CAPNS1: variants seen among roughly 807,000 people sequenced by gnomAD.
CAPNS1 encodes CANP small subunit.
Under a neutral mutation model 39.2 loss-of-function variants are expected in CAPNS1, and 32 were observed. The observed-to-expected ratio is 0.82, with a 90% CI of 0.62 to 1.10. The LOEUF is 1.10. Ranked by LOEUF, CAPNS1 falls within the 50% of genes least tolerant of loss-of-function variation. The pLI is 0.00. For synonymous variants in CAPNS1, 153 were observed against 136.2 expected (o/e 1.12, Z -0.86); for missense variants, 353 against 373.1 (o/e 0.95, Z 0.44).
At chr19:36,147,837 C>T (rs1974626828) in intron 9 of CAPNS1, among the ~76,000 whole-genome samples, 1 of 151,492 alleles carries the variant, frequency 6.6e-6, no homozygotes, top group South Asian at 2.1e-4. Context: ...CTCTGGGAGG[C>T]TGAGGTGGGC....
Position 36,146,320 on chromosome 19 carries a change from A to G in CAPNS1, c.721+8A>G. 5 of 1,581,956 alleles carry G rather than the reference A, an allele frequency of 3.2e-6. No homozygotes were observed. The highest frequency in any genetic ancestry group is 4.3e-6 in the Non-Finnish European group (5 of 1,150,962). On this transcript the variant is annotated splice_region_variant and intron_variant, in intron 9 of 10. Transcript: ENST00000246533. ...GGCTGGACGCCATGTTCCGTGAGTGACAACCCAGCTGTCTTCCTGGGTGGG... is the reference window on the plus strand; with the variant it reads ...GGCTGGACGCCATGTTCCGTGAGTGGCAACCCAGCTGTCTTCCTGGGTGGG...
chr19:36,146,243 T>C lies in CAPNS1; in HGVS notation c.652T>C (p.Ser218Pro). The C allele has an allele frequency of 6.2e-7, 1 of 1,614,086 alleles. No individual in the cohort carries two copies. Among genetic ancestry groups the C allele is most frequent in the Non-Finnish European group, 8.5e-7 (1 of 1,179,944 alleles). Reference sequence around the variant, plus strand: ...CTATAACATGATCATCCGACGCTACTCAGATGAAAGTGGGAACATGGATTT... The same window carrying C: ...CTATAACATGATCATCCGACGCTACCCAGATGAAAGTGGGAACATGGATTT... Reference protein sequence around the residue: ...HLYNMIIRRYSDESGNMDFDN... With the variant: ...HLYNMIIRRYPDESGNMDFDN... The change falls in exon 9 of 11, where the codon TCA becomes CCA. Residue 218 changes from serine (S) to proline (P), a missense_variant. Physicochemically the swap from Ser to Pro is moderately conservative, Grantham distance 74. Coordinates refer to ENST00000246533, the MANE Select transcript of CAPNS1 (RefSeq NM_001749.4).
intron 1 of CAPNS1, 126 bp from the exon 2 acceptor site, chr19:36,140,871 C>A: frequency 6.8e-7 from 1 of 1,468,086 alleles, no homozygotes; most frequent in Non-Finnish European, 9.2e-7. Context: ...AACCCGCCCT[C>A]GCAAACTCAG....
At chr19:36,145,269 A>G (rs1974523564) in intron 6 of CAPNS1, 1 of 131,516 alleles carries the variant, frequency 7.6e-6, no homozygotes, top group Non-Finnish European at 1.5e-5. Context: ...CGGTGGTGCC[A>G]TCTTGGCTCA....
chr19:36,140,755 T>G, intron 1 of CAPNS1: 1 of 443,206 alleles, frequency 2.3e-6, no homozygotes, highest in Non-Finnish European at 3.9e-6. Flanking sequence ...CACCCTCCCC[T>G]TCACGCGTGC....
chr19:36,141,564 G>A (rs1291387146), intron 2 of CAPNS1: 1 of 1,142,118 alleles, frequency 8.8e-7, no homozygotes, highest in Admixed American at 4.8e-5. Flanking sequence ...GAACGTTAAA[G>A]GTGCGGAGCC....
At chr19:36,145,573 A>ATT in intron 6 of CAPNS1, 2 of 504,698 alleles carry the variant, frequency 4.0e-6, no homozygotes, top group Non-Finnish European at 7.1e-6. Flanking sequence ...GAGTAGTTGA[A>ATT]TATAATTCCT....
chr19:36,149,728 AT>A (rs749738232), intron 10 of CAPNS1, 84 bp from the exon 11 acceptor site: 4 of 1,588,322 alleles, frequency 2.5e-6, no homozygotes, highest in Non-Finnish European at 3.4e-6. Flanking sequence ...CCTTCCTCCT[AT>A]TTTGCCAGCC....
chr19:36,143,251 G>A (rs1974445425), intron 6 of CAPNS1, 123 bp downstream of exon 6: 1 of 838,138 alleles, frequency 1.2e-6, no homozygotes, highest in Non-Finnish European at 2.1e-6. Flanking sequence ...TCAGAACACA[G>A]TCACCTGCAG....
At chr19:36,146,340 G>A (rs545598066) in intron 9 of CAPNS1, 28 bp downstream of exon 9, 1 of 1,487,302 alleles carries the variant, frequency 6.7e-7, no homozygotes, top group East Asian at 2.3e-5. Context: ...TGTCTTCCTG[G>A]GTGGGGATTC....
rs1330897896 is a variant in CAPNS1, at chr19:36,140,168, G to C, written c.-16+11G>C. 2 of 152,198 alleles carry C rather than the reference G, an allele frequency of 1.3e-5. No individual in the cohort carries two copies. Among genetic ancestry groups the C allele is most frequent in the Non-Finnish European group, 2.9e-5 (2 of 68,054 alleles). 9.4% of individuals were successfully genotyped at this position (152,198 alleles called of 1,614,324 possible). A position where few individuals can be genotyped will look rare whatever the true frequency, so the allele number is the denominator to read the frequency against. On this transcript the variant is annotated intron_variant, in intron 1 of 10. Coordinates refer to ENST00000246533, the MANE Select transcript of CAPNS1 (RefSeq NM_001749.4). ...CGGACGTGTGCGGCGGTAAGCGCCCGGCCCGTACCCCCTCCGCACCCCGCA... is the reference window on the plus strand; with the variant it reads ...CGGACGTGTGCGGCGGTAAGCGCCCCGCCCGTACCCCCTCCGCACCCCGCA...
chr19:36,150,015 C>A lies in CAPNS1; in HGVS notation c.*176C>A, dbSNP rs1222099643. Reference sequence around the variant, plus strand: ...TCTCAACATCCAGGGCCCAATTTGCCCTGCCTGGAGTTCCCCCTGGCTCTA... The same window carrying A: ...TCTCAACATCCAGGGCCCAATTTGCACTGCCTGGAGTTCCCCCTGGCTCTA... On this transcript the variant is annotated 3_prime_UTR_variant, in exon 11 of 11. Coordinates refer to ENST00000246533, the MANE Select transcript of CAPNS1 (RefSeq NM_001749.4). 11 of 534,028 alleles carry A rather than the reference C, an allele frequency of 2.1e-5. No individual in the cohort carries two copies. The East Asian group carries it at 3.5e-4, about 17-fold the overall frequency. 33.1% of individuals were successfully genotyped at this position (534,028 alleles called of 1,614,324 possible).
rs111468810 is a variant in CAPNS1 at position 36,149,665 on chromosome 19, G to T, written c.780+29G>T. On this transcript the variant is annotated intron_variant, in intron 10 of 10. Transcript: ENST00000246533. ...AGGACCCCCATATTGGGGTATGGGTGCCTGGGAGGACCCCACCCCTCAGCC... is the reference window on the plus strand; with the variant it reads ...AGGACCCCCATATTGGGGTATGGGTTCCTGGGAGGACCCCACCCCTCAGCC... 2.5e-6 allele frequency: 4 copies of T among 1,589,922 alleles called. No homozygotes were observed. The African/African-American group carries it at 5.4e-5, about 21-fold the overall frequency.
chr19:36,143,306 A>G lies in CAPNS1; in HGVS notation c.456+178A>G, dbSNP rs577226558. 1.6e-3 allele frequency among the ~76,000 whole-genome samples: 241 copies of G among 152,292 alleles called. 1 individual carries two copies. The highest frequency in any genetic ancestry group is 5.4e-3 in the African/African-American group (226 of 41,550). On this transcript the variant is annotated intron_variant, in intron 6 of 10. Transcript: ENST00000246533. ...AACAATGCCAGCTGTCACAGCTGGC[A>G]CTTTAATTATATAAAGTGACCGAAC...
At chr19:36,140,842 G>A in intron 1 of CAPNS1, 155 bp from the exon 2 acceptor site, 1 of 1,142,562 alleles carries the variant, frequency 8.8e-7, no homozygotes, top group Non-Finnish European at 1.2e-6. Context: ...CCCCATACCT[G>A]CCCCACCCAT....
rs774196517 is a variant in CAPNS1, at chr19:36,142,307, G to A, written c.217G>A (p.Ala73Thr). The A allele has an allele frequency of 6.3e-7, 1 of 1,595,252 alleles. No homozygotes were observed. The highest frequency in any genetic ancestry group is 1.7e-5 in the Admixed American group (1 of 59,012). Reference sequence around the variant, plus strand: ...CCCCTTATCTCTTCGCAGCGAGGCGGCTGCGCAGTACAACCCGGAGCCCCC... The same window carrying A: ...CCCCTTATCTCTTCGCAGCGAGGCGACTGCGCAGTACAACCCGGAGCCCCC... ...GGVISAISEA[A>T]AQYNPEPPPP... is the part of the protein sequence containing the mutation. Residue 73 changes from alanine (A) to threonine (T), a missense_variant, in exon 3 of 11, where the codon GCT becomes ACT. Ala to Thr is a moderately conservative substitution (Grantham distance 58). Transcript: ENST00000246533.
Position 36,146,025 on chromosome 19 carries a change from G to C in CAPNS1, c.575G>C (p.Ser192Thr), listed in dbSNP as rs550791287. Reference protein sequence around the residue: ...DTDRSGTICSSELPGAFEAAG... With the variant: ...DTDRSGTICSTELPGAFEAAG... Reference sequence around the variant, plus strand: ...GACCGATCAGGGACCATTTGCAGTAGTGAACTCCCAGGTGCCTTTGAGGCA... The same window carrying C: ...GACCGATCAGGGACCATTTGCAGTACTGAACTCCCAGGTGCCTTTGAGGCA... Residue 192 changes from serine (S) to threonine (T), a missense_variant, in exon 8 of 11, where the codon AGT (serine) becomes ACT (threonine). Ser to Thr is a moderately conservative substitution (Grantham distance 58). Transcript: ENST00000246533. 1.9e-6 allele frequency: 3 copies of C among 1,614,214 alleles called. No homozygotes were observed. In the African/African-American group the frequency reaches 4.0e-5, roughly 22 times the overall value.
intron 6 of CAPNS1, 43 bp from the exon 7 acceptor site, chr19:36,145,763 C>T (rs749076980): frequency 1.1e-5 from 17 of 1,546,510 alleles, no homozygotes; most frequent in Admixed American, 1.7e-5. Flanking sequence ...GTGATGCATG[C>T]ATCTGGGTGT....
intron 6 of CAPNS1, among the ~76,000 whole-genome samples, chr19:36,144,847 T>A (rs147176871): frequency 1.2e-3 from 181 of 152,380 alleles, no homozygotes; most frequent in African/African-American, 4.1e-3. Context: ...GGGTGAGTGA[T>A]AATGGTGATA....
Sources: allele counts gnomAD v4.1 joint callset (sites outside exome capture counted in the v4.1 genomes callset), GRCh38; gene constraint gnomAD v4.1.1; transcripts MANE v1.5; gene names NCBI Gene and HGNC (gene_info 2026-07-23, HGNC 2026-07-21).